Variants in THSD7A observed in about 807,000 individuals in gnomAD.
THSD7A encodes the protein thrombospondin type-1 domain-containing protein 7A.
Under a neutral mutation model 231.3 loss-of-function variants are expected in THSD7A, and 96 were observed. The observed-to-expected ratio is 0.41, with a 90% confidence interval of 0.35 to 0.49. THSD7A has a LOEUF of 0.49. Among genes scored for constraint, THSD7A ranks in the 20% least tolerant of loss-of-function variants. The pLI, the probability that THSD7A is intolerant of heterozygous loss-of-function variation, is 0.05. For synonymous variants in THSD7A, 940 were observed against 743.3 expected, an observed-to-expected ratio of 1.26 and a Z score of -4.30; for missense variants, 2,290 against 2,070.2, an observed-to-expected ratio of 1.11 and a Z score of -2.06.
At chr7:11,558,455 C>T (rs958591407) in intron 4 of THSD7A, among the ~76,000 whole-genome samples, 5 of 152,134 alleles carry the variant, frequency 3.3e-5, no homozygotes, top group African/African-American at 1.2e-4. Flanking sequence ...CTAAATCTGG[C>T]CTCTCTCCTG....
At chr7:11,534,650 T>C (rs1203339186) in intron 6 of THSD7A, among the ~76,000 whole-genome samples, 1 of 152,076 alleles carries the variant, frequency 6.6e-6, no homozygotes, top group Non-Finnish European at 1.5e-5. Flanking sequence ...TTAAATGATA[T>C]ATGGTCTGAG....
At chr7:11,568,932 A>G (rs1361947752) in intron 4 of THSD7A, among the ~76,000 whole-genome samples, 1 of 151,786 alleles carries the variant, frequency 6.6e-6, no homozygotes, top group Admixed American at 6.6e-5. Flanking sequence ...TCTATACATC[A>G]AAATGTACTT....
intron 1 of THSD7A, among the ~76,000 whole-genome samples, chr7:11,726,333 A>T (rs1362750088): frequency 2.0e-5 from 3 of 152,040 alleles, no homozygotes; most frequent in Non-Finnish European, 4.4e-5. Context: ...CCTCATCTAC[A>T]CCTTCTACCA....
chr7:11,831,089 T>C lies in THSD7A; in HGVS notation c.190+668A>G, dbSNP rs1785178483. 6.6e-6 allele frequency among the ~76,000 whole-genome samples: 1 copy of C among 152,192 alleles called. No individual in the cohort carries two copies. Among genetic ancestry groups the C allele is most frequent in the Admixed American group, 6.5e-5 (1 of 15,280 alleles). ...TTTGCCAATGGGTAATGATGGGCAG[T>C]TAGTAGCTGCTTTTGTTGGGTGGTT... On this transcript the variant is annotated intron_variant, in intron 1 of 27. Transcript: ENST00000423059. This position sits in a 1 kb window ranked among gnomAD's most constrained non-coding sequence, Gnocchi z 5.0.
At chr7:11,544,108 A>C (rs57) in intron 4 of THSD7A, among the ~76,000 whole-genome samples, 99,527 of 151,838 alleles carry the variant, frequency 0.66, 33,033 homozygotes, top group Admixed American at 0.79. Flanking sequence ...TTTTGGGAGG[A>C]CGAGGTGGGC....
intron 1 of THSD7A, among the ~76,000 whole-genome samples, chr7:11,785,937 G>T (rs1212935125): frequency 1.3e-5 from 2 of 151,768 alleles, no homozygotes; most frequent in Non-Finnish European, 2.9e-5. Flanking sequence ...ATATTTCTTT[G>T]CTCCCCCTAT....
At position 11,375,060 on chromosome 7, in the gene THSD7A, C is replaced by T. The variant is rs933692218; in HGVS notation, c.*734G>A. 6.6e-6 allele frequency: 1 copy of T among 151,972 alleles called. No individual in the cohort carries two copies. The highest frequency in any genetic ancestry group is 2.1e-4 in the South Asian group (1 of 4,820). The allele number at this position is 151,972 out of a possible 1,614,324, so 9.4% of individuals were successfully genotyped here. ...GTTTGAAAATCAGGGAAAGTAGAAA[C>T]GTATTGTATTAACACAAGTAAATTA... On this transcript the variant is annotated 3_prime_UTR_variant, in exon 28 of 28. Transcript: ENST00000423059.
intron 1 of THSD7A, among the ~76,000 whole-genome samples, chr7:11,755,177 A>C (rs1299256133): frequency 2.6e-5 from 4 of 152,066 alleles, no homozygotes. Context: ...CACAGTGCAT[A>C]AGATGGCCCT....
chr7:11,382,012 G>C (rs1409290894), intron 24 of THSD7A, among the ~76,000 whole-genome samples: 1 of 151,982 alleles, frequency 6.6e-6, no homozygotes, highest in Non-Finnish European at 1.5e-5. Context: ...CAGATGGTCT[G>C]GGTTTGAAAT....
chr7:11,722,254 T>C (rs1239956951), intron 1 of THSD7A, among the ~76,000 whole-genome samples: 1 of 151,890 alleles, frequency 6.6e-6, no homozygotes, highest in East Asian at 2.0e-4. Flanking sequence ...AAGTCCCCTT[T>C]GTAAGACTAA....
At position 11,472,316 on chromosome 7, in the gene THSD7A, G is replaced by T. The variant is rs1405793122; in HGVS notation, c.2252+2018C>A. Among the ~76,000 whole-genome samples, 10 of 151,996 alleles carry T rather than the reference G, an allele frequency of 6.6e-5. No homozygotes were observed. In the South Asian group the frequency reaches 2.1e-3, roughly 32 times the overall value. Reference sequence around the variant, plus strand: ...TAGGAACTGAAGTTTGTTACCGGGAGGACAGATAAGATCAATAACATTGAT... The same window carrying T: ...TAGGAACTGAAGTTTGTTACCGGGATGACAGATAAGATCAATAACATTGAT... On this transcript the variant is annotated intron_variant, in intron 8 of 27. Transcript: ENST00000423059.
At chr7:11,450,238 G>A (rs1469187667) in intron 11 of THSD7A, among the ~76,000 whole-genome samples, 1 of 151,958 alleles carries the variant, frequency 6.6e-6, no homozygotes, top group East Asian at 1.9e-4. Flanking sequence ...ATTTTGTGCA[G>A]ATCTATACTA....
At chr7:11,429,158 C>G in intron 13 of THSD7A, 33 bp from the exon 14 acceptor site, 1 of 1,528,160 alleles carries the variant, frequency 6.5e-7, no homozygotes. Context: ...AGAATCATCT[C>G]CTCCACCTGT....
intron 11 of THSD7A, 123 bp from the exon 12 acceptor site, chr7:11,447,547 T>C (rs545975874): frequency 3.9e-6 from 3 of 760,354 alleles, no homozygotes; most frequent in African/African-American, 1.8e-5. Flanking sequence ...TTACTTACAG[T>C]AGAAATCTTA....
At chr7:11,454,585 T>C (rs1785244915) in intron 11 of THSD7A, among the ~76,000 whole-genome samples, 1 of 151,728 alleles carries the variant, frequency 6.6e-6, no homozygotes, top group African/African-American at 2.4e-5. Context: ...TTTCAATTCT[T>C]CAGTGATTAT....
At chr7:11,400,972 A>G (rs1215407643) in intron 23 of THSD7A, among the ~76,000 whole-genome samples, 3 of 152,142 alleles carry the variant, frequency 2.0e-5, no homozygotes, top group Non-Finnish European at 4.4e-5. Flanking sequence ...ATTCTTGAAG[A>G]TGTATTGCTT....
chr7:11,552,669 A>G (rs892067739), intron 4 of THSD7A, among the ~76,000 whole-genome samples: 11 of 152,142 alleles, frequency 7.2e-5, no homozygotes, highest in African/African-American at 2.4e-4. Context: ...ATTGAGCTGC[A>G]GTCATAGAAG....
chr7:11,523,505 T>TA lies in THSD7A; in HGVS notation c.1822+17913dup. Among the ~76,000 whole-genome samples, 3 of 152,206 alleles carry TA rather than the reference T, an allele frequency of 2.0e-5. No individual in the cohort carries two copies. The South Asian group carries it at 6.2e-4, about 32-fold the overall frequency. On this transcript the variant is annotated intron_variant, in intron 6 of 27. Transcript: ENST00000423059. Reference sequence around the variant, plus strand: ...GTGTGATTAAAGTTGTTAATTTTCCTAAATGTATTTAAAATTTCCATAATC... The same window carrying TA: ...GTGTGATTAAAGTTGTTAATTTTCCTAAAATGTATTTAAAATTTCCATAATC...
At chr7:11,694,985 C>T (rs143999905) in intron 1 of THSD7A, among the ~76,000 whole-genome samples, 7 of 151,574 alleles carry the variant, frequency 4.6e-5, no homozygotes, top group African/African-American at 1.4e-4. Flanking sequence ...AGAATTCTTA[C>T]CTAGACTGTC....
Sources: allele counts gnomAD v4.1 joint callset (sites outside exome capture counted in the v4.1 genomes callset), GRCh38; gene constraint gnomAD v4.1.1; non-coding constraint Gnocchi (gnomAD v3.1); transcripts MANE v1.5; gene names NCBI Gene and HGNC (gene_info 2026-07-23, HGNC 2026-07-21).